The following LMBR1 variants were observed in gnomAD, a reference collection of about 807,000 sequenced individuals.
LMBR1 encodes the protein limb development membrane protein 1, also known as limb region 1 protein homolog.
Under a neutral mutation model 73.9 loss-of-function variants are expected in LMBR1, and 52 were observed. The observed-to-expected ratio is 0.70, with a 90% confidence interval of 0.56 to 0.89. The LOEUF (loss-of-function observed/expected upper bound fraction) is 0.89. Among genes scored for constraint, LMBR1 ranks in the 40% least tolerant of loss-of-function variants. The probability of loss-of-function intolerance (pLI) is 0.00; values close to 1 mark genes in which losing one functional copy is unlikely to be tolerated. For missense variants in LMBR1, 539 were observed against 579.8 expected, an observed-to-expected ratio of 0.93 and a Z score of 0.72; for synonymous variants, 215 against 209.4, an observed-to-expected ratio of 1.03 and a Z score of -0.23.
chr7:156,859,645 T>G (rs1453970541), intron 1 of LMBR1, among the ~76,000 whole-genome samples: 1 of 152,056 alleles, frequency 6.6e-6, no homozygotes, highest in Non-Finnish European at 1.5e-5. Context: ...AAACTCTGAT[T>G]TTAAAAATAT....
rs1563375717 is a variant in LMBR1 at position 156,794,348 on chromosome 7, T to C, written c.423+2041A>G. Among the ~76,000 whole-genome samples, 7 of 152,250 alleles carry C rather than the reference T, an allele frequency of 4.6e-5. No homozygotes were observed. In the South Asian group the frequency reaches 1.4e-3, roughly 31 times the overall value. On this transcript the variant is annotated intron_variant, in intron 5 of 16. Coordinates refer to ENST00000353442, the MANE Select transcript of LMBR1 (RefSeq NM_022458.4). ...TACAATCGTATGTGTGAAATATCTC[T>C]AATTAACTTCTATGATCCCTCCTCA...
In LMBR1 at chr7:156,725,575, G is replaced by C. The variant is rs746203192; in HGVS notation, c.1068-50C>G. On this transcript the variant is annotated intron_variant, in intron 13 of 16. Transcript: ENST00000353442. ...CTCCAACAGAATGCAAGTTTCCTAAGTTCTCGGCAGTCTCCAAAAAGTCTT... is the reference window on the plus strand; with the variant it reads ...CTCCAACAGAATGCAAGTTTCCTAACTTCTCGGCAGTCTCCAAAAAGTCTT... 2.2e-6 allele frequency: 3 copies of C among 1,386,932 alleles called. No individual in the cohort carries two copies. In the African/African-American group the frequency reaches 4.4e-5, roughly 20 times the overall value. 85.9% of individuals were successfully genotyped at this position (1,386,932 alleles called of 1,614,324 possible).
At chr7:156,726,659 CT>C (rs1815823905) in intron 12 of LMBR1, among the ~76,000 whole-genome samples, 1 of 152,052 alleles carries the variant, frequency 6.6e-6, no homozygotes, top group Admixed American at 6.6e-5. Flanking sequence ...TTTTGACAAT[CT>C]TTTGAAGAAG....
intron 4 of LMBR1, among the ~76,000 whole-genome samples, chr7:156,815,156 CAAAAA>C (rs10674367): frequency 3.6e-5 from 3 of 84,322 alleles, no homozygotes; most frequent in Admixed American, 1.3e-4. Flanking sequence ...AACTCCGTCT[CAAAAA>C]AAAAAAAAAA....
downstream of LMBR1, among the ~76,000 whole-genome samples, chr7:156,673,906 T>TAAAAAAAAAAA (rs3030984): frequency 9.9e-6 from 1 of 100,818 alleles, no homozygotes; most frequent in African/African-American, 4.2e-5. Context: ...TCCACATTAA[T>TAAAAAAAAAAA]AAAAAAAAAA....
At chr7:156,828,981 C>A (rs1836180166) in intron 3 of LMBR1, among the ~76,000 whole-genome samples, 3 of 152,360 alleles carry the variant, frequency 2.0e-5, no homozygotes. Flanking sequence ...AGAGAACTTT[C>A]TAGCTCATTA....
At chr7:156,814,428 T>C (rs1183386454) in intron 4 of LMBR1, among the ~76,000 whole-genome samples, 1 of 152,246 alleles carries the variant, frequency 6.6e-6, no homozygotes, top group Non-Finnish European at 1.5e-5. Context: ...CATGTCTGCA[T>C]TTGTTTTCTC....
chr7:156,847,219 C>A (rs1205358103), intron 1 of LMBR1, among the ~76,000 whole-genome samples: 1 of 152,150 alleles, frequency 6.6e-6, no homozygotes, highest in Middle Eastern at 3.2e-3. Context: ...GCTGAAACAA[C>A]TGGACATCCA....
At chr7:156,759,524 T>C (rs1017337750) in intron 8 of LMBR1, among the ~76,000 whole-genome samples, 1 of 152,220 alleles carries the variant, frequency 6.6e-6, no homozygotes, top group African/African-American at 2.4e-5. Context: ...AGGTTTGTCA[T>C]CAGGATAAAA....
chr7:156,692,640 C>G (rs1807457278), intron 15 of LMBR1, among the ~76,000 whole-genome samples: 1 of 152,056 alleles, frequency 6.6e-6, no homozygotes, highest in Non-Finnish European at 1.5e-5. Context: ...CAGTTTACCA[C>G]CTAAAGAGAG....
intron 1 of LMBR1, among the ~76,000 whole-genome samples, chr7:156,890,014 A>G (rs1802614647): frequency 6.6e-6 from 1 of 152,180 alleles, no homozygotes; most frequent in Admixed American, 6.6e-5. Flanking sequence ...AAATTTTAAA[A>G]AATAATAAAA....
downstream of LMBR1, chr7:156,675,632 A>G: frequency 4.9e-6 from 7 of 1,424,264 alleles, no homozygotes; most frequent in South Asian, 1.2e-5. Flanking sequence ...CAGGCTCGAG[A>G]GCGCTTCCCT....
At chr7:156,890,036 T>C (rs1361901007) in intron 1 of LMBR1, among the ~76,000 whole-genome samples, 1 of 151,814 alleles carries the variant, frequency 6.6e-6, no homozygotes, top group East Asian at 1.9e-4. Flanking sequence ...TAAAGACAAA[T>C]AGACCAATAA....
intron 5 of LMBR1, among the ~76,000 whole-genome samples, chr7:156,790,714 G>A (rs1316481594): frequency 3.3e-5 from 5 of 150,964 alleles, no homozygotes; most frequent in Admixed American, 6.6e-5. Context: ...TAAGAACAGT[G>A]ACAAAATTAA....
chr7:156,716,516 C>T (rs7781175), intron 15 of LMBR1, among the ~76,000 whole-genome samples: 5,867 of 152,266 alleles, frequency 0.039, 151 homozygotes, highest in Non-Finnish European at 0.045. Flanking sequence ...AAGAAGTGCA[C>T]GCCTAAGCCC....
chr7:156,709,925 G>A (rs1308411755), intron 15 of LMBR1, among the ~76,000 whole-genome samples: 1 of 77,150 alleles, frequency 1.3e-5, no homozygotes, highest in African/African-American at 5.9e-5. Flanking sequence ...TTTTTTTTGA[G>A]ATGGAGTCTC....
At chr7:156,842,870 T>C (rs900011799) in intron 1 of LMBR1, among the ~76,000 whole-genome samples, 1 of 152,154 alleles carries the variant, frequency 6.6e-6, no homozygotes, top group Non-Finnish European at 1.5e-5. Context: ...CAAGAAATAC[T>C]AGAAGCTTGA....
chr7:156,672,807 G>T (rs536822511), downstream of LMBR1, among the ~76,000 whole-genome samples: 1 of 152,246 alleles, frequency 6.6e-6, no homozygotes, highest in South Asian at 2.1e-4. Context: ...CGATACCCAT[G>T]CTTGGAGTTG....
intron 6 of LMBR1, 121 bp downstream of exon 6, chr7:156,763,548 T>A: frequency 1.3e-6 from 1 of 772,160 alleles, no homozygotes; most frequent in Non-Finnish European, 1.9e-6. Flanking sequence ...ATTCTGTAAA[T>A]TAACATCAAA....
Sources: allele counts gnomAD v4.1 joint callset (sites outside exome capture counted in the v4.1 genomes callset), GRCh38; gene constraint gnomAD v4.1.1; transcripts MANE v1.5; gene names NCBI Gene and HGNC (gene_info 2026-07-23, HGNC 2026-07-21).